The following GATA4 variants were observed in gnomAD, a reference collection of about 807,000 sequenced individuals.
GATA4 encodes GATA binding protein 4.
In GATA4, 7 loss-of-function variants were observed where a neutral mutation model predicts 37.9. The observed-to-expected ratio is 0.18, with a 90% CI of 0.11 to 0.35. The LOEUF is 0.35. Among genes scored for constraint, GATA4 ranks in the 10% least tolerant of loss-of-function variants. GATA4 has a pLI of 1.00. For missense variants in GATA4, 647 were observed against 653.0 expected (o/e 0.99, Z 0.10); for synonymous variants, 372 against 292.6 (o/e 1.27, Z -2.77).
At chr8:11,722,416 T>G (rs1800718800) in intron 2 of GATA4, among the ~76,000 whole-genome samples, 1 of 152,226 alleles carries the variant, frequency 6.6e-6, no homozygotes, top group Admixed American at 6.5e-5. Flanking sequence ...CTGAAACAAA[T>G]TGTCACTCTT....
chr8:11,756,828 T>C (rs142395583), intron 5 of GATA4, 107 bp from the exon 6 acceptor site: 47 of 1,459,162 alleles, frequency 3.2e-5, no homozygotes, highest in Middle Eastern at 3.7e-4. Context: ...CCCCGGCAAA[T>C]GTAGATAAAG....
At chr8:11,681,137 G>A in intron 1 of GATA4, 1 of 985,282 alleles carries the variant, frequency 1.0e-6, no homozygotes, top group Non-Finnish European at 1.2e-6. Context: ...ACCGAGCCCA[G>A]GGAATCTCCA....
intron 1 of GATA4, among the ~76,000 whole-genome samples, chr8:11,677,416 G>C (rs1017051334): frequency 6.6e-6 from 1 of 152,192 alleles, no homozygotes; most frequent in Non-Finnish European, 1.5e-5. Flanking sequence ...GAAATGGAGA[G>C]GGGTGCCTGG....
chr8:11,725,420 T>C (rs2898292), intron 2 of GATA4, among the ~76,000 whole-genome samples: 30,578 of 152,198 alleles, frequency 0.2, 4,905 homozygotes, highest in East Asian at 0.84. Flanking sequence ...GATTCCGTAC[T>C]GGCCCCCACC....
At chr8:11,754,560 A>T (rs1802459985) in intron 4 of GATA4, among the ~76,000 whole-genome samples, 1 of 152,110 alleles carries the variant, frequency 6.6e-6, no homozygotes, top group Non-Finnish European at 1.5e-5. Flanking sequence ...GTGGATGATA[A>T]AGGCTTTTGA....
intron 1 of GATA4, among the ~76,000 whole-genome samples, chr8:11,698,780 C>T (rs1799582251): frequency 1.3e-5 from 2 of 152,146 alleles, no homozygotes; most frequent in Admixed American, 1.3e-4. Flanking sequence ...GTCCCTTCTT[C>T]CTGCAGTCCC....
chr8:11,717,245 G>A (rs1308033705), intron 2 of GATA4, among the ~76,000 whole-genome samples: 1 of 152,224 alleles, frequency 6.6e-6, no homozygotes, highest in African/African-American at 2.4e-5. Context: ...GAATAATCTT[G>A]AATCTGTTTT....
At chr8:11,683,520 C>G (rs565713327) in intron 1 of GATA4, among the ~76,000 whole-genome samples, 1 of 152,138 alleles carries the variant, frequency 6.6e-6, no homozygotes, top group Non-Finnish European at 1.5e-5. Flanking sequence ...CAACTTTCAC[C>G]GTATTCCTTG....
chr8:11,695,197 G>C (rs1799468227), intron 1 of GATA4, among the ~76,000 whole-genome samples: 1 of 152,144 alleles, frequency 6.6e-6, no homozygotes. Context: ...CCTGAGGCTG[G>C]GAGTTCGAGA....
At chr8:11,753,854 G>T (rs537163213) in intron 4 of GATA4, among the ~76,000 whole-genome samples, 6 of 152,322 alleles carry the variant, frequency 3.9e-5, no homozygotes, top group Admixed American at 3.3e-4. Context: ...TGGTAGACAA[G>T]CACAGCATAG....
intron 2 of GATA4, among the ~76,000 whole-genome samples, chr8:11,721,853 A>C (rs989537423): frequency 3.9e-5 from 6 of 152,204 alleles, no homozygotes; most frequent in South Asian, 2.1e-4. Context: ...GCAAGGATGG[A>C]TTGCCAGACC....
At chr8:11,678,555 G>A (rs1383375923) in intron 1 of GATA4, among the ~76,000 whole-genome samples, 1 of 152,182 alleles carries the variant, frequency 6.6e-6, no homozygotes, top group Non-Finnish European at 1.5e-5. Flanking sequence ...GGGAAAAGCA[G>A]GGACGGGCCA....
At position 11,694,408 on chromosome 8, in the gene GATA4, C is replaced by G. The variant is rs541543309; in HGVS notation, c.-729+1748C>G. 3.3e-5 allele frequency: 28 copies of G among 840,326 alleles called. 2 individuals carry two copies. In the South Asian group the frequency reaches 1.5e-3, roughly 44 times the overall value. The allele number at this position is 840,326 out of a possible 1,614,324, so 52.1% of individuals were successfully genotyped here. On this transcript the variant is annotated intron_variant, in intron 1 of 2. Transcript: ENST00000526974. ...AAGGCCTTCCTCTGTAAGGTCAGAG[C>G]TGGCGTGGCCCTCAGGGATCCTTTC... is the stretch of plus-strand genomic sequence containing the variant.
chr8:11,738,730 G>T (rs781488007), intron 2 of GATA4, among the ~76,000 whole-genome samples: 1 of 152,184 alleles, frequency 6.6e-6, no homozygotes. Context: ...TTCCCCACTG[G>T]CTGCGGGGCT....
intron 1 of GATA4, chr8:11,680,367 T>C: frequency 1.9e-6 from 1 of 524,596 alleles, no homozygotes; most frequent in Non-Finnish European, 2.4e-6. Flanking sequence ...TGCAAGTAAC[T>C]AACCAGGCCC....
intron 1 of GATA4, chr8:11,698,109 G>T: frequency 1.5e-6 from 1 of 671,276 alleles, no homozygotes; most frequent in Non-Finnish European, 1.8e-6. Context: ...CTCCCAGGAG[G>T]TCCTGGCCTC....
chr8:11,740,250 GAC>G (rs897721905), intron 2 of GATA4, among the ~76,000 whole-genome samples: 9 of 152,218 alleles, frequency 5.9e-5, no homozygotes, highest in African/African-American at 2.2e-4. Flanking sequence ...ACACTAGGGA[GAC>G]ACAGAGAGGA....
In GATA4 at chr8:11,750,127, T is replaced by C; in HGVS notation, c.803T>C (p.Val268Ala). The change falls in exon 4 of 7, where the codon GTG (valine) becomes GCG (alanine). Residue 268 changes from valine to alanine, a missense_variant. This residue lies in a region of GATA4 where 56 missense variants were observed against 64.5 expected (regional missense o/e 0.87). Transcript: ENST00000532059. ...PQRRLSASRR[V>A]GLSCANCQTT... is the part of the protein sequence containing the mutation. The stretch of plus-strand genomic sequence containing the variant: ...GTCTTGCAGTCCGCCTCCCGCCGAG[T>C]GGGCCTCTCCTGTGCCAACTGCCAG... The C allele has an allele frequency of 6.2e-7, 1 of 1,614,090 alleles. No individual in the cohort carries two copies. Among genetic ancestry groups the C allele is most frequent in the Non-Finnish European group, 8.5e-7 (1 of 1,180,044 alleles).
At chr8:11,743,726 G>A (rs149925195) in intron 2 of GATA4, among the ~76,000 whole-genome samples, 33 of 152,328 alleles carry the variant, frequency 2.2e-4, no homozygotes, top group East Asian at 1.7e-3. Context: ...CTCTGGCTGC[G>A]TCAGTTCTTT....
Sources: allele counts gnomAD v4.1 joint callset (sites outside exome capture counted in the v4.1 genomes callset), GRCh38; gene constraint gnomAD v4.1.1; regional missense constraint gnomAD v4.1.1; transcripts MANE v1.5; gene names NCBI Gene and HGNC (gene_info 2026-07-23, HGNC 2026-07-21).